Variants in BABAM2 observed in about 807,000 individuals in gnomAD.
BABAM2 encodes BRISC and BRCA1-A complex member 2.
A neutral mutation model predicts 54.7 loss-of-function variants in BABAM2; 31 were observed. That is an observed-to-expected ratio of 0.57 (90% CI 0.43 to 0.77). The LOEUF is 0.77. BABAM2 is among the 30% of genes least tolerant of loss of function. BABAM2 has a pLI of 0.00. For synonymous variants in BABAM2, 167 were observed against 162.9 expected, an observed-to-expected ratio of 1.03 and a Z score of -0.19; for missense variants, 364 against 455.8, an observed-to-expected ratio of 0.80 and a Z score of 1.83.
intron 11 of BABAM2, among the ~76,000 whole-genome samples, chr2:28,311,969 A>G (rs1269637731): frequency 6.6e-6 from 1 of 152,228 alleles, no homozygotes; most frequent in African/African-American, 2.4e-5. Flanking sequence ...TCTAGATGCA[A>G]TACATTTTCA....
intron 7 of BABAM2, among the ~76,000 whole-genome samples, chr2:28,166,823 C>T (rs538204884): frequency 5.3e-4 from 81 of 152,140 alleles, no homozygotes; most frequent in African/African-American, 1.6e-3. Context: ...AACCTCATAA[C>T]GAATGCCTTC....
chr2:28,108,668 G>C (rs1293850449), intron 6 of BABAM2, among the ~76,000 whole-genome samples: 11 of 152,112 alleles, frequency 7.2e-5, no homozygotes, highest in Admixed American at 7.2e-4. Context: ...AATATAATAT[G>C]TTCTTCCTTT....
chr2:28,167,536 A>C (rs1231063601), intron 7 of BABAM2, among the ~76,000 whole-genome samples: 2 of 151,984 alleles, frequency 1.3e-5, no homozygotes, highest in Non-Finnish European at 2.9e-5. Flanking sequence ...TCTACCAAAA[A>C]TACAAAAATT....
chr2:28,120,480 C>T (rs895837709), intron 6 of BABAM2, among the ~76,000 whole-genome samples: 5 of 152,176 alleles, frequency 3.3e-5, no homozygotes, highest in East Asian at 1.9e-4. Context: ...TCTGAGTCAG[C>T]ATACATGGGT....
chr2:28,268,797 A>G (rs1183223056), intron 10 of BABAM2, among the ~76,000 whole-genome samples: 2 of 152,146 alleles, frequency 1.3e-5, no homozygotes, highest in Non-Finnish European at 1.5e-5. Context: ...ATTGCCTTGA[A>G]GTTTCCAAAA....
intron 10 of BABAM2, among the ~76,000 whole-genome samples, chr2:28,257,739 G>C (rs1343492835): frequency 1.3e-5 from 2 of 152,060 alleles, no homozygotes; most frequent in Non-Finnish European, 2.9e-5. Context: ...TTAAAAATTA[G>C]CCCAGTGTGG....
At chr2:28,103,900 G>T (rs371932030) in intron 6 of BABAM2, among the ~76,000 whole-genome samples, 15 of 152,250 alleles carry the variant, frequency 9.9e-5, no homozygotes, top group African/African-American at 3.4e-4. Context: ...TTCACAGATC[G>T]TACTGTTTAT....
intron 4 of BABAM2, among the ~76,000 whole-genome samples, chr2:28,020,920 G>T (rs1675196173): frequency 6.7e-6 from 1 of 149,164 alleles, no homozygotes; most frequent in Non-Finnish European, 1.5e-5. Context: ...GAGGCATTGA[G>T]AATAAACATT....
In BABAM2 at chr2:28,076,477, T is replaced by TTAG. The variant is rs1558313428; in HGVS notation, c.570+30679_570+30680insAGT. 2.6e-4 allele frequency among the ~76,000 whole-genome samples: 38 copies of TTAG among 148,300 alleles called. No individual in the cohort carries two copies. The South Asian group carries it at 7.3e-3, about 28-fold the overall frequency. On this transcript the variant is annotated intron_variant, in intron 6 of 11. Coordinates refer to ENST00000379624, the MANE Select transcript of BABAM2 (RefSeq NM_199191.3). ...TATTTTATATTTATTTATTTATTTA[T>TTAG]TTATTTAGTTAGTTAGTTAGTTAGT...
intron 4 of BABAM2, among the ~76,000 whole-genome samples, chr2:28,004,131 C>CAAAA (rs60410658): frequency 7.3e-6 from 1 of 136,904 alleles, no homozygotes. Context: ...TTTTAAAAAG[C>CAAAA]AAAAAAAAAA....
intron 11 of BABAM2, among the ~76,000 whole-genome samples, chr2:28,332,897 G>A (rs1174532557): frequency 6.6e-6 from 1 of 152,186 alleles, no homozygotes; most frequent in Non-Finnish European, 1.5e-5. Flanking sequence ...GAGTATCCAA[G>A]CCTGAGATTG....
At chr2:28,120,960 G>A (rs966197007) in intron 6 of BABAM2, among the ~76,000 whole-genome samples, 1 of 152,234 alleles carries the variant, frequency 6.6e-6, no homozygotes, top group Non-Finnish European at 1.5e-5. Flanking sequence ...AATGTATAAA[G>A]AGTGGCCCAT....
intron 10 of BABAM2, among the ~76,000 whole-genome samples, chr2:28,280,537 C>T (rs538729925): frequency 7.9e-5 from 12 of 152,220 alleles, no homozygotes; most frequent in Non-Finnish European, 1.3e-4. Flanking sequence ...GCTCTTTAAA[C>T]CAAATACATA....
chr2:27,944,350 A>T (rs886763207), intron 3 of BABAM2, among the ~76,000 whole-genome samples: 5 of 152,138 alleles, frequency 3.3e-5, no homozygotes, highest in Non-Finnish European at 7.4e-5. Context: ...CCATTCCCTA[A>T]AGGTATAGAA....
chr2:28,295,393 T>C (rs1687599368), intron 10 of BABAM2, among the ~76,000 whole-genome samples: 2 of 152,228 alleles, frequency 1.3e-5, no homozygotes, highest in Admixed American at 1.3e-4. Flanking sequence ...GCTCTCATGG[T>C]ACTTTTCTGC....
intron 3 of BABAM2, among the ~76,000 whole-genome samples, chr2:27,977,903 A>G (rs1671712196): frequency 6.6e-6 from 1 of 152,206 alleles, no homozygotes; most frequent in African/African-American, 2.4e-5. Flanking sequence ...TTACAGATAA[A>G]TTAAACTTGT....
intron 2 of BABAM2, among the ~76,000 whole-genome samples, chr2:27,920,694 G>A (rs1269133787): frequency 2.6e-5 from 4 of 152,180 alleles, no homozygotes; most frequent in Non-Finnish European, 4.4e-5. Flanking sequence ...AGGAAGCTAT[G>A]TAGGACACAT....
chr2:28,141,616 G>A (rs72854497), intron 7 of BABAM2, among the ~76,000 whole-genome samples: 470 of 152,218 alleles, frequency 3.1e-3, no homozygotes, highest in African/African-American at 0.011. Context: ...TCCAGAAGGA[G>A]CAAGGCTCTA....
At chr2:28,173,101 A>G (rs890228843) in intron 7 of BABAM2, among the ~76,000 whole-genome samples, 1 of 152,156 alleles carries the variant, frequency 6.6e-6, no homozygotes, top group Non-Finnish European at 1.5e-5. Flanking sequence ...ATCTAATGTT[A>G]ATTACATCCC....
Sources: gnomAD v4.1 joint callset for allele counts (sites outside exome capture counted in the v4.1 genomes callset) on GRCh38, gnomAD v4.1.1 for gene constraint, MANE v1.5 for transcripts, NCBI Gene and HGNC (gene_info 2026-07-23, HGNC 2026-07-21) for gene names.